Variants in HCFC2 observed in about 807,000 individuals in gnomAD.
The protein encoded by HCFC2 is host cell factor C2, also known as host cell factor 2.
A neutral mutation model predicts 89.2 loss-of-function variants in HCFC2; 18 were observed. The ratio of observed to expected loss-of-function variants is 0.20; its 90% CI spans 0.14 to 0.30. The LOEUF is 0.30. Ranked by LOEUF, HCFC2 falls within the 10% of genes least tolerant of loss-of-function variation. HCFC2 has a pLI of 1.00. For missense variants in HCFC2, 578 were observed against 956.1 expected (o/e 0.60, Z 5.21); for synonymous variants, 308 against 335.7 (o/e 0.92, Z 0.90).
chr12:104,092,843 A>G (rs1566234369), intron 9 of HCFC2, among the ~76,000 whole-genome samples: 1 of 152,216 alleles, frequency 6.6e-6, no homozygotes, highest in African/African-American at 2.4e-5. Context: ...GTGTTTAAGA[A>G]GGTTAAGAAA....
intron 9 of HCFC2, among the ~76,000 whole-genome samples, chr12:104,092,233 C>T (rs894188935): frequency 2.0e-5 from 3 of 152,094 alleles, no homozygotes; most frequent in African/African-American, 7.2e-5. Flanking sequence ...TTTGGGAGGC[C>T]AAGGTGGTAG....
Position 104,104,561 on chromosome 12 carries a change from G to T in HCFC2, c.*1288G>T, listed in dbSNP as rs990834511. ...TTTTATACCACATAACCTTATGCCA[G>T]TTTAGGTTGACTGAGTAGCTATGTC... On this transcript the variant is annotated 3_prime_UTR_variant, in exon 15 of 15. Coordinates refer to ENST00000229330, the MANE Select transcript of HCFC2 (RefSeq NM_013320.3). 7 of 151,986 alleles carry T rather than the reference G, an allele frequency of 4.6e-5. No homozygotes were observed. The highest frequency in any genetic ancestry group is 1.2e-4 in the African/African-American group (5 of 41,426). 9.4% of individuals were successfully genotyped at this position (151,986 alleles called of 1,614,324 possible).
At position 104,095,129 on chromosome 12, in the gene HCFC2, G is replaced by A. The variant is rs1389106878; in HGVS notation, c.1463-231G>A. On this transcript the variant is annotated intron_variant, in intron 10 of 14. Transcript: ENST00000229330. The surrounding 1 kb of genome is among the most constrained non-coding windows in gnomAD (Gnocchi z 4.2). ...AGTGGAAAGTCAAGAACAATGGTTC[G>A]GTGTTTAGAATGAACGAGGAAGGTA... Among the ~76,000 whole-genome samples the A allele has an allele frequency of 2.0e-5, 3 of 152,088 alleles. No homozygotes were observed. Among genetic ancestry groups the A allele is most frequent in the Admixed American group, 6.5e-5 (1 of 15,276 alleles).
At chr12:104,102,505 G>A (rs149561503) in intron 14 of HCFC2, among the ~76,000 whole-genome samples, 1 of 151,980 alleles carries the variant, frequency 6.6e-6, no homozygotes, top group African/African-American at 2.4e-5. Context: ...AATGTGTGTT[G>A]TCTCCCTCTA....
chr12:104,082,732 C>T lies in HCFC2; in HGVS notation c.894C>T (p.Thr298=). The T allele has an allele frequency of 1.2e-6, 2 of 1,613,196 alleles. No individual in the cohort carries two copies. The highest frequency in any genetic ancestry group is 1.7e-6 in the Non-Finnish European group (2 of 1,179,648). Residue 298 remains threonine, a synonymous_variant, in exon 7 of 15, where the codon ACC becomes ACT. Transcript: ENST00000229330. ...YLNLDTTEWT[T]LVSDSQEDKK... is the part of the protein sequence containing the mutation. ...TTTCAGATACAACAGAGTGGACCAC[C>T]CTAGTATCAGATTCTCAGGAAGATA...
In HCFC2 at chr12:104,095,267, T is replaced by G; in HGVS notation, c.1463-93T>G. ...TGGTGCTCATGTATGATTTTAAAAC[T>G]GAAAGTACCAAGAATCATATGACAA... On this transcript the variant is annotated intron_variant, in intron 10 of 14. Transcript: ENST00000229330. This position sits in a 1 kb window ranked among gnomAD's most constrained non-coding sequence, Gnocchi z 4.2. 1 of 943,892 alleles carries G rather than the reference T, an allele frequency of 1.1e-6. No individual in the cohort carries two copies. The highest frequency in any genetic ancestry group is 1.6e-5 in the South Asian group (1 of 62,844). 58.5% of individuals were successfully genotyped at this position (943,892 alleles called of 1,614,324 possible). A position where few individuals can be genotyped will look rare whatever the true frequency, so the allele number is the denominator to read the frequency against.
chr12:104,091,882 T>A (rs1248048874), intron 9 of HCFC2, among the ~76,000 whole-genome samples: 1 of 152,200 alleles, frequency 6.6e-6, no homozygotes, highest in Admixed American at 6.5e-5. Flanking sequence ...TATAGTACAC[T>A]GCCTGCCATA....
Position 104,105,474 on chromosome 12 carries a change from G to A in HCFC2, c.*2201G>A, listed in dbSNP as rs1049693854. 2 of 151,940 alleles carry A rather than the reference G, an allele frequency of 1.3e-5. No homozygotes were observed. Among genetic ancestry groups the A allele is most frequent in the Non-Finnish European group, 2.9e-5 (2 of 67,894 alleles). 9.4% of individuals were successfully genotyped at this position (151,940 alleles called of 1,614,324 possible). A position where few individuals can be genotyped will look rare whatever the true frequency, so the allele number is the denominator to read the frequency against. On this transcript the variant is annotated 3_prime_UTR_variant, in exon 15 of 15. Coordinates refer to ENST00000229330, the MANE Select transcript of HCFC2 (RefSeq NM_013320.3). The stretch of plus-strand genomic sequence containing the variant: ...ATCAGGAGGTGATTCTGAACCTGTG[G>A]TTCTAACATATGACTTAACTGTTTA...
chr12:104,087,310 TG>T (rs1401152061), intron 8 of HCFC2, among the ~76,000 whole-genome samples: 2 of 147,132 alleles, frequency 1.4e-5, no homozygotes, highest in African/African-American at 5.1e-5. Flanking sequence ...GCTGAGATCA[TG>T]CCACTGCACT....
rs1789237705 is a variant in HCFC2, at chr12:104,068,593, A to G, written c.473+486A>G. On this transcript the variant is annotated intron_variant, in intron 3 of 14. Transcript: ENST00000229330. The surrounding 1 kb of genome is among the most constrained non-coding windows in gnomAD (Gnocchi z 4.1). ...ACGCTAGCATATACTTTTACAATCAATTATTTCCTCCTTTTTCCCAAACAG... is the reference window on the plus strand; with the variant it reads ...ACGCTAGCATATACTTTTACAATCAGTTATTTCCTCCTTTTTCCCAAACAG... Among the ~76,000 whole-genome samples, 1 of 152,156 alleles carries G rather than the reference A, an allele frequency of 6.6e-6. No homozygotes were observed. Among genetic ancestry groups the G allele is most frequent in the Admixed American group, 6.5e-5 (1 of 15,276 alleles).
In HCFC2 at chr12:104,065,386, G is replaced by C. The variant is rs77264714; in HGVS notation, c.163+663G>C. ...GCAGATCACAAGTGCCCCTGGGCAG[G>C]GAGCCCCTATCTTTGAGGACCTCTG... On this transcript the variant is annotated intron_variant, in intron 1 of 14. Coordinates refer to ENST00000229330, the MANE Select transcript of HCFC2 (RefSeq NM_013320.3). Among the ~76,000 whole-genome samples the C allele has an allele frequency of 2.0e-3, 312 of 152,334 alleles. 1 individual carries two copies. The highest frequency in any genetic ancestry group is 7.2e-3 in the African/African-American group (299 of 41,572).
chr12:104,096,288 TA>T, intron 11 of HCFC2, 71 bp from the exon 12 acceptor site: 1 of 975,676 alleles, frequency 1.0e-6, no homozygotes, highest in South Asian at 2.0e-5. Context: ...ATTAAATATA[TA>T]TTTAAAAATT....
rs564541922 is a variant in HCFC2, at chr12:104,099,967, G to T, written c.1878+1487G>T. Among the ~76,000 whole-genome samples, 3 of 152,246 alleles carry T rather than the reference G, an allele frequency of 2.0e-5. No individual in the cohort carries two copies. In the South Asian group the frequency reaches 6.2e-4, roughly 32 times the overall value. On this transcript the variant is annotated intron_variant, in intron 13 of 14. Transcript: ENST00000229330. ...CCACCACACCCAGCCAATGAGCTGG[G>T]TTTTAAGTCATAAATAATCTAGTCT...
rs1400901716 is a variant in HCFC2, at chr12:104,086,986, A to G, written c.1203A>G (p.Ser401=). Residue 401 remains serine (S), a synonymous_variant, in exon 8 of 15, where the codon TCA becomes TCG. Transcript: ENST00000229330. ...STDLPYQAAS[S]DSSAAPNMQG... ...ACTTGCCATACCAAGCTGCATCATC[A>G]GATTCTTCAGCAGCACCAAATATGC... The G allele has an allele frequency of 9.3e-6, 15 of 1,613,944 alleles. No individual in the cohort carries two copies. Among genetic ancestry groups the G allele is most frequent in the Non-Finnish European group, 1.3e-5 (15 of 1,179,836 alleles).
At chr12:104,071,134 T>G (rs1158525261) in intron 3 of HCFC2, among the ~76,000 whole-genome samples, 1 of 152,186 alleles carries the variant, frequency 6.6e-6, no homozygotes, top group Admixed American at 6.5e-5. Flanking sequence ...ACATGTCTTT[T>G]AAAAAACTTT....
chr12:104,098,825 C>G (rs1426362151), intron 13 of HCFC2, among the ~76,000 whole-genome samples: 1 of 152,102 alleles, frequency 6.6e-6, no homozygotes, highest in Non-Finnish European at 1.5e-5. Context: ...ACGGTGAAAC[C>G]CCGTCCCTAC....
chr12:104,087,873 T>G (rs1883915033), intron 8 of HCFC2, 113 bp from the exon 9 acceptor site: 1 of 510,128 alleles, frequency 2.0e-6, no homozygotes, highest in African/African-American at 2.0e-5. Context: ...ACATATAACC[T>G]TTGGTAAAGA....
At chr12:104,089,661 C>G (rs776030687) in intron 9 of HCFC2, among the ~76,000 whole-genome samples, 2 of 152,212 alleles carry the variant, frequency 1.3e-5, no homozygotes, top group Non-Finnish European at 2.9e-5. Flanking sequence ...TCATCCCCTC[C>G]TTTCCTGTTC....
At chr12:104,084,578 T>C (rs1883779680) in intron 7 of HCFC2, among the ~76,000 whole-genome samples, 2 of 152,130 alleles carry the variant, frequency 1.3e-5, no homozygotes, top group African/African-American at 4.8e-5. Context: ...TTGAATGTGG[T>C]GTTAGAATTT....
Sources: allele counts gnomAD v4.1 joint callset (sites outside exome capture counted in the v4.1 genomes callset), GRCh38; gene constraint gnomAD v4.1.1; non-coding constraint Gnocchi (gnomAD v3.1); transcripts MANE v1.5; gene names NCBI Gene and HGNC (gene_info 2026-07-23, HGNC 2026-07-21).